The following CABP1 variants were observed in gnomAD, a reference collection of about 807,000 sequenced individuals.
CABP1 encodes the protein calcium binding protein 1.
CABP1 carries 17 observed loss-of-function variants against 34.3 expected under a neutral mutation model. That is an observed-to-expected ratio of 0.50 (90% CI 0.34 to 0.74). The LOEUF is 0.74. Ranked by LOEUF, CABP1 falls within the 30% of genes least tolerant of loss-of-function variation. CABP1 has a pLI of 0.01. For synonymous variants in CABP1, 198 were observed against 229.2 expected (o/e 0.86, Z 1.23); for missense variants, 373 against 511.1 (o/e 0.73, Z 2.61).
chr12:120,655,583 G>T, intron 1 of CABP1: 1 of 1,291,724 alleles, frequency 7.7e-7, no homozygotes, highest in Non-Finnish European at 9.8e-7. Flanking sequence ...AGCTCCGATT[G>T]CCCTCACTGC....
the CABP1 span, among the ~76,000 whole-genome samples, chr12:120,677,434 T>C: frequency 7.3e-6 from 1 of 137,624 alleles, no homozygotes; most frequent in East Asian, 2.0e-4. Flanking sequence ...TCTCACTCTG[T>C]TGCCCAGGCT....
chr12:120,667,234 C>G lies in CABP1; in HGVS notation c.*334C>G. The G allele has an allele frequency of 2.1e-6, 1 of 467,726 alleles. No homozygotes were observed. Among genetic ancestry groups the G allele is most frequent in the Non-Finnish European group, 3.9e-6 (1 of 257,252 alleles). 29.0% of individuals were successfully genotyped at this position (467,726 alleles called of 1,614,324 possible). A position where few individuals can be genotyped will look rare whatever the true frequency, so the allele number is the denominator to read the frequency against. ...CAGACCCCACACAGCATGTCCGCCC[C>G]AGGGCAAAGCCTCCCACCTTCGCTC... is the stretch of plus-strand genomic sequence containing the variant. On this transcript the variant is annotated 3_prime_UTR_variant, in exon 6 of 6. Coordinates refer to ENST00000316803, the MANE Select transcript of CABP1 (RefSeq NM_001033677.2).
At chr12:120,672,188 C>T (rs995249735), downstream of CABP1, among the ~76,000 whole-genome samples, 5 of 152,088 alleles carry the variant, frequency 3.3e-5, no homozygotes, top group African/African-American at 1.2e-4. Flanking sequence ...GCCTTGAGAT[C>T]CAGCCAGCAA....
rs573976556 is a variant in CABP1, at chr12:120,667,153, C to T, written c.*253C>T. 1.0e-5 allele frequency: 6 copies of T among 574,282 alleles called. No individual in the cohort carries two copies. The East Asian group carries it at 1.2e-4, about 11-fold the overall frequency. The allele number at this position is 574,282 out of a possible 1,614,324, so 35.6% of individuals were successfully genotyped here. On this transcript the variant is annotated 3_prime_UTR_variant, in exon 6 of 6. Coordinates refer to ENST00000316803, the MANE Select transcript of CABP1 (RefSeq NM_001033677.2). ...CCAAGCCGGCAGAGGTCATGCCAGG[C>T]GCCAAGGGCCATGTGCCCAGCTGCT...
intron 1 of CABP1, among the ~76,000 whole-genome samples, chr12:120,644,671 C>T (rs910432070): frequency 3.3e-5 from 5 of 152,178 alleles, no homozygotes; most frequent in African/African-American, 1.2e-4. Context: ...AAACACGTCT[C>T]CTAATACAGA....
chr12:120,641,396 C>G lies in CABP1; in HGVS notation c.654+57C>G. On this transcript the variant is annotated intron_variant, in intron 1 of 5. Transcript: ENST00000316803. This position sits in a 1 kb window ranked among gnomAD's most constrained non-coding sequence, Gnocchi z 6.7. ...GGAAAGGCGCTCGGGACCCTGCCGG[C>G]CGCGGTTGCGCGTCCACAGCCTCCT... 1 of 1,242,638 alleles carries G rather than the reference C, an allele frequency of 8.0e-7. No individual in the cohort carries two copies. Among genetic ancestry groups the G allele is most frequent in the African/African-American group, 1.6e-5 (1 of 64,442 alleles). The allele number at this position is 1,242,638 out of a possible 1,614,324, so 77.0% of individuals were successfully genotyped here. A position where few individuals can be genotyped will look rare whatever the true frequency, so the allele number is the denominator to read the frequency against.
chr12:120,667,000 T>C lies in CABP1; in HGVS notation c.*100T>C. 7.0e-7 allele frequency: 1 copy of C among 1,435,220 alleles called. No homozygotes were observed. The highest frequency in any genetic ancestry group is 9.5e-7 in the Non-Finnish European group (1 of 1,053,616). 88.9% of individuals were successfully genotyped at this position (1,435,220 alleles called of 1,614,324 possible). A position where few individuals can be genotyped will look rare whatever the true frequency, so the allele number is the denominator to read the frequency against. ...CTGTAGCCGCCGAGAGCCCAGGATG[T>C]ACTGGCGGATGGGGCCTGCCTGCAC... On this transcript the variant is annotated 3_prime_UTR_variant, in exon 6 of 6. Transcript: ENST00000316803.
the CABP1 span, among the ~76,000 whole-genome samples, chr12:120,680,416 C>T: frequency 2.2e-4 from 33 of 152,256 alleles, no homozygotes; most frequent in Non-Finnish European, 3.7e-4. Flanking sequence ...GTTACTCTAA[C>T]GAGGGCAAGT....
At chr12:120,672,601 CAAAAA>C in the CABP1 span, among the ~76,000 whole-genome samples, 3 of 99,302 alleles carry the variant, frequency 3.0e-5, no homozygotes, top group Non-Finnish European at 4.4e-5. Flanking sequence ...CATTGCACTC[CAAAAA>C]AAAAAAAAAA....
intron 1 of CABP1, 197 bp from the exon 2 acceptor site, chr12:120,659,681 G>C (rs1195098459): frequency 1.5e-5 from 8 of 520,710 alleles, no homozygotes; most frequent in African/African-American, 3.9e-5. Flanking sequence ...TCTCCTGTTA[G>C]GGGCCCAGGA....
At chr12:120,677,673 T>C in the CABP1 span, among the ~76,000 whole-genome samples, 8 of 152,128 alleles carry the variant, frequency 5.3e-5, no homozygotes, top group Non-Finnish European at 1.0e-4. Flanking sequence ...TCCTGAAGTG[T>C]TGGAATTATA....
intron 1 of CABP1, among the ~76,000 whole-genome samples, chr12:120,653,821 C>T (rs779994172): frequency 1.3e-5 from 2 of 152,268 alleles, no homozygotes; most frequent in Non-Finnish European, 2.9e-5. Flanking sequence ...GCATGAGCCA[C>T]CACGCCCGGC....
rs367615174 is a variant in CABP1 at position 120,650,605 on chromosome 12, C to T, written c.654+9266C>T. 47 of 1,613,542 alleles carry T rather than the reference C, an allele frequency of 2.9e-5. No homozygotes were observed. In the African/African-American group the frequency reaches 4.9e-4, roughly 17 times the overall value. On this transcript the variant is annotated intron_variant, in intron 1 of 5. Transcript: ENST00000316803. ...CCCCCAGGAGCCTCCTTCATGGACC[C>T]GGGGATCCCAAGAGGGGCTGCCTCA...
chr12:120,663,738 G>A (rs1880797276), intron 5 of CABP1, among the ~76,000 whole-genome samples: 1 of 152,200 alleles, frequency 6.6e-6, no homozygotes, highest in South Asian at 2.1e-4. Flanking sequence ...TTACAGATGA[G>A]GAAACTGAGG....
intron 1 of CABP1, among the ~76,000 whole-genome samples, chr12:120,642,706 T>C (rs1265442884): frequency 1.3e-5 from 2 of 151,980 alleles, no homozygotes; most frequent in Middle Eastern, 3.4e-3. Context: ...AGGGCACGAG[T>C]GGTCTTTGGA....
intron 1 of CABP1, among the ~76,000 whole-genome samples, chr12:120,654,607 C>G (rs987396781): frequency 1.2e-4 from 18 of 151,580 alleles, no homozygotes; most frequent in Middle Eastern, 6.8e-3. Context: ...CTAGCTAAAT[C>G]CCCCCACATT....
rs565204053 is a variant in CABP1, at chr12:120,653,979, T to C, written c.655-5899T>C. Reference sequence around the variant, plus strand: ...AGACTGGTTCCTGGGGTTCGGCCAGTCACTGTTATCTCAGGCATGCTTTGA... The same window carrying C: ...AGACTGGTTCCTGGGGTTCGGCCAGCCACTGTTATCTCAGGCATGCTTTGA... On this transcript the variant is annotated intron_variant, in intron 1 of 5. Transcript: ENST00000316803. Among the ~76,000 whole-genome samples the C allele has an allele frequency of 1.3e-4, 20 of 152,340 alleles. 1 individual carries two copies. Among genetic ancestry groups the C allele is most frequent in the African/African-American group, 4.8e-4 (20 of 41,580 alleles).
At chr12:120,654,025 G>A (rs1880011218) in intron 1 of CABP1, among the ~76,000 whole-genome samples, 2 of 152,218 alleles carry the variant, frequency 1.3e-5, no homozygotes, top group Admixed American at 1.3e-4. Context: ...CAGATGGGAA[G>A]GTCTCTCTTG....
Position 120,660,154 on chromosome 12 carries a change from G to A in CABP1, c.686-42G>A, listed in dbSNP as rs558481957. On this transcript the variant is annotated intron_variant, in intron 2 of 5. Coordinates refer to ENST00000316803, the MANE Select transcript of CABP1 (RefSeq NM_001033677.2). The surrounding 1 kb of genome is among the most constrained non-coding windows in gnomAD (Gnocchi z 5.0). ...TGCCTTTGCCCACAGAGGCTCTGCG[G>A]GTCCTACCCCTGACCACATCCACCT... 3.7e-6 allele frequency: 6 copies of A among 1,610,828 alleles called. No individual in the cohort carries two copies. In the South Asian group the frequency reaches 5.5e-5, roughly 15 times the overall value.
Sources: allele counts gnomAD v4.1 joint callset (sites outside exome capture counted in the v4.1 genomes callset), GRCh38; gene constraint gnomAD v4.1.1; non-coding constraint Gnocchi (gnomAD v3.1); transcripts MANE v1.5; gene names NCBI Gene and HGNC (gene_info 2026-07-23, HGNC 2026-07-21).